The following WASHC4 variants were observed in gnomAD, a reference collection of about 807,000 sequenced individuals.
WASHC4 encodes the protein WASH complex subunit 4.
Under a neutral mutation model 166.6 loss-of-function variants are expected in WASHC4, and 86 were observed. That is an observed-to-expected ratio of 0.52 (90% CI 0.43 to 0.62). The LOEUF (loss-of-function observed/expected upper bound fraction) is 0.62. Ranked by LOEUF, WASHC4 falls within the 20% of genes least tolerant of loss-of-function variation. The probability of loss-of-function intolerance (pLI) is 0.00; values close to 1 mark genes in which losing one functional copy is unlikely to be tolerated. For missense variants in WASHC4, 1,262 were observed against 1,382.4 expected, an observed-to-expected ratio of 0.91 and a Z score of 1.38; for synonymous variants, 446 against 451.6, an observed-to-expected ratio of 0.99 and a Z score of 0.16.
rs141715229 is a variant in WASHC4, at chr12:105,154,129, C to G, written c.2758+1678C>G. Among the ~76,000 whole-genome samples the G allele has an allele frequency of 2.1e-3, 311 of 151,420 alleles. 2 individuals carry two copies. Among genetic ancestry groups the G allele is most frequent in the African/African-American group, 7.3e-3 (302 of 41,204 alleles). On this transcript the variant is annotated intron_variant, in intron 26 of 32. Coordinates refer to ENST00000332180, the MANE Select transcript of WASHC4 (RefSeq NM_015275.3). The stretch of plus-strand genomic sequence containing the variant: ...CACTGCAACCTGTGCCTCCTAGGTT[C>G]AAGCGATTCTCCCGCCTCAGCCTCC...
chr12:105,140,946 G>T lies in WASHC4; in HGVS notation c.1608G>T (p.Val536=), dbSNP rs768981624. 6.2e-6 allele frequency: 10 copies of T among 1,614,054 alleles called. No individual in the cohort carries two copies. The Admixed American group carries it at 1.2e-4, about 19-fold the overall frequency. The change falls in exon 17 of 33, where the codon GTG becomes GTT. Residue 536 remains valine, a synonymous_variant. Transcript: ENST00000332180. ...AATACAGCGAACAGCGTCTTGATGT[G>T]CTCTCTGCTCTAGTTTTGGCTGAAA... ...DKKYSEQRLD[V]LSALVLAENT...
At chr12:105,159,561 G>C (rs771905465) in intron 28 of WASHC4, among the ~76,000 whole-genome samples, 1 of 152,130 alleles carries the variant, frequency 6.6e-6, no homozygotes, top group African/African-American at 2.4e-5. Flanking sequence ...AGTGGTAGTA[G>C]CTGTACATGA....
intron 25 of WASHC4, among the ~76,000 whole-genome samples, chr12:105,151,025 A>ACAAAGC (rs112592917): frequency 0.18 from 27,448 of 151,110 alleles, 3,605 homozygotes; most frequent in African/African-American, 0.37. Context: ...TTGGGTGGGG[A>ACAAAGC]CAAAGCCAAG....
Position 105,146,496 on chromosome 12 carries a change from G to A in WASHC4, c.2379G>A (p.Val793=). 6.2e-7 allele frequency: 1 copy of A among 1,603,874 alleles called. No homozygotes were observed. Among genetic ancestry groups the A allele is most frequent in the Non-Finnish European group, 8.5e-7 (1 of 1,171,656 alleles). ...LEIMRNIHIF[V]SRYLYNLNNQ... ...TTATGAGAAACATTCATATATTTGTGTCCCGATACCTCTATAATCTCAACA... is the reference window on the plus strand; with the variant it reads ...TTATGAGAAACATTCATATATTTGTATCCCGATACCTCTATAATCTCAACA... Residue 793 remains valine, a synonymous_variant, in exon 23 of 33, where the codon GTG becomes GTA. Coordinates refer to ENST00000332180, the MANE Select transcript of WASHC4 (RefSeq NM_015275.3).
rs1402588376 is a variant in WASHC4, at chr12:105,164,316, G to A, written c.3354+9G>A. ...TGGATGTCTATCTACAGGTAGAGAG[G>A]AGCCTAAGAGTCACATCTGCTTTGA... On this transcript the variant is annotated intron_variant, in intron 31 of 32. Transcript: ENST00000332180. The A allele has an allele frequency of 6.2e-7, 1 of 1,609,046 alleles. No individual in the cohort carries two copies. The highest frequency in any genetic ancestry group is 1.7e-5 in the Admixed American group (1 of 60,008).
chr12:105,120,994 C>T, intron 8 of WASHC4, 107 bp from the exon 9 acceptor site: 1 of 755,334 alleles, frequency 1.3e-6, no homozygotes, highest in South Asian at 1.5e-5. Context: ...TTACCCACTA[C>T]TTTTACTAAT....
At chr12:105,164,063 A>C (rs1489457359) in intron 30 of WASHC4, 48 bp from the exon 31 acceptor site, 2 of 1,501,310 alleles carry the variant, frequency 1.3e-6, no homozygotes, top group Non-Finnish European at 9.3e-7. Flanking sequence ...GTAGAATACC[A>C]CTTCTGTACT....
chr12:105,128,445 G>C (rs1881481775), intron 13 of WASHC4, among the ~76,000 whole-genome samples: 1 of 152,208 alleles, frequency 6.6e-6, no homozygotes. Context: ...TTGTAACAGT[G>C]TGATGGAGTT....
intron 18 of WASHC4, among the ~76,000 whole-genome samples, chr12:105,142,248 A>G (rs1357393237): frequency 1.3e-5 from 2 of 152,174 alleles, no homozygotes; most frequent in Non-Finnish European, 2.9e-5. Context: ...AATTCTGACA[A>G]TGTCAGGCAT....
At chr12:105,122,708 T>C (rs1880879125) in intron 10 of WASHC4, among the ~76,000 whole-genome samples, 1 of 152,172 alleles carries the variant, frequency 6.6e-6, no homozygotes, top group Non-Finnish European at 1.5e-5. Flanking sequence ...TCATTATTAT[T>C]ATAGCTGTTA....
intron 13 of WASHC4, among the ~76,000 whole-genome samples, chr12:105,130,131 TC>T (rs1363755115): frequency 6.6e-6 from 1 of 152,220 alleles, no homozygotes; most frequent in Admixed American, 6.5e-5. Context: ...TGCAGGCAGT[TC>T]AACTCTACAG....
At chr12:105,121,044 A>G (rs568567586) in intron 8 of WASHC4, 57 bp from the exon 9 acceptor site, 6 of 1,147,810 alleles carry the variant, frequency 5.2e-6, no homozygotes, top group South Asian at 4.9e-5. Context: ...AAACGTCTAC[A>G]TGAGGCTTAA....
chr12:105,111,703 A>G (rs1196601224), intron 2 of WASHC4, among the ~76,000 whole-genome samples: 3 of 152,202 alleles, frequency 2.0e-5, no homozygotes, highest in Non-Finnish European at 4.4e-5. Flanking sequence ...CTCTCATGCT[A>G]TATAGATGTT....
intron 10 of WASHC4, among the ~76,000 whole-genome samples, chr12:105,125,382 A>G (rs1180059498): frequency 1.3e-5 from 1 of 79,846 alleles, no homozygotes; most frequent in East Asian, 3.6e-4. Flanking sequence ...ATATGTAGAT[A>G]CTAATCTATT....
Position 105,115,309 on chromosome 12 carries a change from A to T in WASHC4, c.367+80A>T. On this transcript the variant is annotated intron_variant, in intron 5 of 32. Coordinates refer to ENST00000332180, the MANE Select transcript of WASHC4 (RefSeq NM_015275.3). The stretch of plus-strand genomic sequence containing the variant: ...GTTAACAGACAATTTTAGGACTACT[A>T]TGATTATATAATAGTGTGAGAAAAA... 10 of 876,698 alleles carry T rather than the reference A, an allele frequency of 1.1e-5. No individual in the cohort carries two copies. In the South Asian group the frequency reaches 1.4e-4, roughly 12 times the overall value. 54.3% of individuals were successfully genotyped at this position (876,698 alleles called of 1,614,324 possible).
At chr12:105,127,570 A>T (rs1380825957) in intron 13 of WASHC4, among the ~76,000 whole-genome samples, 2 of 152,170 alleles carry the variant, frequency 1.3e-5, no homozygotes, top group Admixed American at 6.5e-5. Flanking sequence ...GTCCAAATGA[A>T]GTCTCAGATT....
chr12:105,148,275 T>A (rs1263002282), intron 24 of WASHC4: 1 of 985,250 alleles, frequency 1.0e-6, no homozygotes, highest in Non-Finnish European at 1.2e-6. Context: ...CATGTAATGA[T>A]CATGTTTGTA....
At chr12:105,162,888 C>T (rs1312931405) in intron 30 of WASHC4, 43 bp downstream of exon 30, 4 of 961,202 alleles carry the variant, frequency 4.2e-6, no homozygotes, top group South Asian at 2.8e-5. Context: ...TTATATTGAC[C>T]TTGTAATGGA....
Position 105,134,935 on chromosome 12 carries a change from CT to C in WASHC4, c.1326+1040del, listed in dbSNP as rs58712497. 6.9e-3 allele frequency among the ~76,000 whole-genome samples: 1,031 copies of C among 149,346 alleles called. 11 individuals carry two copies. Among genetic ancestry groups the C allele is most frequent in the African/African-American group, 0.025 (999 of 40,676 alleles). On this transcript the variant is annotated intron_variant, in intron 14 of 32. Transcript: ENST00000332180. ...TTTTGGAGTATTTTTAATTTTATTT[CT>C]CCTCCTCTCTATTAGTTTAATTCTA...
Sources: gnomAD v4.1 joint callset for allele counts (sites outside exome capture counted in the v4.1 genomes callset) on GRCh38, gnomAD v4.1.1 for gene constraint, MANE v1.5 for transcripts, NCBI Gene and HGNC (gene_info 2026-07-23, HGNC 2026-07-21) for gene names.